Variants in SFMBT2 observed in about 807,000 individuals in gnomAD.
The protein encoded by SFMBT2 is scm-like with four MBT domains protein 2.
SFMBT2 carries 38 observed loss-of-function variants against 110.1 expected under a neutral mutation model. The observed-to-expected ratio is 0.35, with a 90% CI of 0.27 to 0.45. The LOEUF is 0.45. Among genes scored for constraint, SFMBT2 ranks in the 20% least tolerant of loss-of-function variants. The probability of loss-of-function intolerance (pLI) is 1.00; values close to 1 mark genes in which losing one functional copy is unlikely to be tolerated. For missense variants in SFMBT2, 1,011 were observed against 1,094.9 expected (o/e 0.92, Z 1.08); for synonymous variants, 425 against 425.4 (o/e 1.00, Z 0.01).
intron 4 of SFMBT2, among the ~76,000 whole-genome samples, chr10:7,337,425 T>C (rs879612322): frequency 1.6e-4 from 24 of 152,218 alleles, no homozygotes; most frequent in Admixed American, 1.4e-3. Flanking sequence ...GAGAAGTGAC[T>C]GGATCGTGCA....
At chr10:7,320,661 CT>C (rs34654650) in intron 4 of SFMBT2, 358,485 of 960,516 alleles carry the variant, frequency 0.37, 69,696 homozygotes, top group African/African-American at 0.62. Flanking sequence ...ATAGGAAGCA[CT>C]TTTCATTTTT....
intron 9 of SFMBT2, among the ~76,000 whole-genome samples, chr10:7,237,915 G>A (rs572720194): frequency 1.3e-5 from 2 of 152,342 alleles, no homozygotes; most frequent in Non-Finnish European, 2.9e-5. Context: ...AGTCAAGACT[G>A]AGTCAGGTGA....
intron 4 of SFMBT2, among the ~76,000 whole-genome samples, chr10:7,366,994 T>C (rs1346222040): frequency 6.6e-6 from 1 of 152,152 alleles, no homozygotes; most frequent in East Asian, 1.9e-4. Context: ...ACTAAATTGA[T>C]CATATCTATA....
At chr10:7,279,070 C>A (rs1194703635) in intron 6 of SFMBT2, among the ~76,000 whole-genome samples, 5 of 142,366 alleles carry the variant, frequency 3.5e-5, no homozygotes, top group Admixed American at 7.4e-5. Flanking sequence ...CACTGCACTG[C>A]ACTTCATCTC....
intron 4 of SFMBT2, among the ~76,000 whole-genome samples, chr10:7,350,541 G>A (rs1047762823): frequency 2.0e-5 from 3 of 152,096 alleles, no homozygotes; most frequent in East Asian, 1.9e-4. Flanking sequence ...AACTGGCCAC[G>A]ACAGCTCGCT....
At chr10:7,193,364 C>T (rs953033493) in intron 15 of SFMBT2, among the ~76,000 whole-genome samples, 1 of 152,240 alleles carries the variant, frequency 6.6e-6, no homozygotes, top group Non-Finnish European at 1.5e-5. Flanking sequence ...CTGACATTTA[C>T]ATACTGATAT....
At position 7,171,285 on chromosome 10, in the gene SFMBT2, C is replaced by CT. The variant is rs768368782; in HGVS notation, c.2416-230_2416-229insA. 7.3e-4 allele frequency: 589 copies of CT among 802,226 alleles called. No individual in the cohort carries two copies. The highest frequency in any genetic ancestry group is 8.1e-4 in the Non-Finnish European group (539 of 662,858). The allele number at this position is 802,226 out of a possible 1,614,324, so 49.7% of individuals were successfully genotyped here. On this transcript the variant is annotated intron_variant, in intron 19 of 20. Coordinates refer to ENST00000397167, the MANE Select transcript of SFMBT2 (RefSeq NM_001387889.1). The surrounding 1 kb of genome is among the most constrained non-coding windows in gnomAD (Gnocchi z 4.9). ...GTGCCTTCAGATGGAAGAAGGCAGG[C>CT]ACAGTGACAGTCGCTCTTGCATCCC...
Position 7,171,080 on chromosome 10 carries a change from C to T in SFMBT2, c.2416-24G>A, listed in dbSNP as rs1837860609. 6 of 1,613,664 alleles carry T rather than the reference C, an allele frequency of 3.7e-6. No individual in the cohort carries two copies. The highest frequency in any genetic ancestry group is 1.6e-4 in the Middle Eastern group (1 of 6,084). Reference sequence around the variant, plus strand: ...TCCTGCAGAGAAAGGGCAGGAGGAGCTCAGCTGCGGCACAGTCAGCTGGCT... The same window carrying T: ...TCCTGCAGAGAAAGGGCAGGAGGAGTTCAGCTGCGGCACAGTCAGCTGGCT... On this transcript the variant is annotated intron_variant, in intron 19 of 20. Transcript: ENST00000397167. The surrounding 1 kb of genome is among the most constrained non-coding windows in gnomAD (Gnocchi z 4.9).
intron 2 of SFMBT2, among the ~76,000 whole-genome samples, chr10:7,378,293 T>G (rs1367961387): frequency 1.3e-4 from 5 of 37,182 alleles, no homozygotes; most frequent in African/African-American, 9.3e-4. Context: ...TGGGTGTGTG[T>G]GGGTGTATGT....
chr10:7,201,264 C>G (rs574502932), intron 13 of SFMBT2, among the ~76,000 whole-genome samples: 1 of 152,350 alleles, frequency 6.6e-6, no homozygotes, highest in Non-Finnish European at 1.5e-5. Flanking sequence ...GTTAGAAATG[C>G]AGATTCTTGG....
chr10:7,236,114 C>T (rs138094265), intron 9 of SFMBT2, among the ~76,000 whole-genome samples: 129 of 149,136 alleles, frequency 8.6e-4, no homozygotes, highest in African/African-American at 2.8e-3. Flanking sequence ...CAGCTGACAG[C>T]CAATAAGAAA....
At chr10:7,286,689 G>A (rs1023997895) in intron 4 of SFMBT2, among the ~76,000 whole-genome samples, 4 of 152,156 alleles carry the variant, frequency 2.6e-5, no homozygotes, top group Non-Finnish European at 4.4e-5. Context: ...CATAGGTTAT[G>A]TGTGAACTAT....
At position 7,176,118 on chromosome 10, in the gene SFMBT2, G is replaced by C; in HGVS notation, c.1856C>G (p.Ser619Cys). The C allele has an allele frequency of 1.2e-6, 2 of 1,614,218 alleles. No homozygotes were observed. The highest frequency in any genetic ancestry group is 1.1e-5 in the South Asian group (1 of 91,092). Residue 619 changes from serine (S) to cysteine (C), a missense_variant, in exon 17 of 21, where the codon TCT (serine) becomes TGT (cysteine). Ser to Cys is a moderately radical substitution (Grantham distance 112). Coordinates refer to ENST00000397167, the MANE Select transcript of SFMBT2 (RefSeq NM_001387889.1). ...YRAVVKIVRT[S>C]DQVANFCRRV... ...GCGGCAGAAATTTGCGACTTGGTCA[G>C]ATGTCCGTACGATTTTGACCACAGC...
rs377329901 is a variant in SFMBT2, at chr10:7,184,737, G to A, written c.1808+3887C>T. On this transcript the variant is annotated intron_variant, in intron 16 of 20. Coordinates refer to ENST00000397167, the MANE Select transcript of SFMBT2 (RefSeq NM_001387889.1). ...CTTATGAGACCTTTTAACAAATCTCGTCAGGCAGGGATAGGGGTGTGGGAG... is the reference window on the plus strand; with the variant it reads ...CTTATGAGACCTTTTAACAAATCTCATCAGGCAGGGATAGGGGTGTGGGAG... 1.8e-3 allele frequency among the ~76,000 whole-genome samples: 276 copies of A among 152,156 alleles called. 1 individual carries two copies. The highest frequency in any genetic ancestry group is 2.5e-3 in the Non-Finnish European group (172 of 67,998).
At chr10:7,351,148 T>C (rs771648464) in intron 4 of SFMBT2, among the ~76,000 whole-genome samples, 4 of 152,240 alleles carry the variant, frequency 2.6e-5, no homozygotes, top group Admixed American at 1.3e-4. Context: ...AATGTGATTG[T>C]TGTCTCTGAA....
chr10:7,394,582 G>A (rs1339590994), intron 1 of SFMBT2, among the ~76,000 whole-genome samples: 2 of 141,500 alleles, frequency 1.4e-5, no homozygotes, highest in Admixed American at 1.5e-4. Context: ...CTGCAAACAC[G>A]CCAGGAGTGA....
At chr10:7,248,220 A>G (rs1156814084) in intron 8 of SFMBT2, among the ~76,000 whole-genome samples, 2 of 152,228 alleles carry the variant, frequency 1.3e-5, no homozygotes, top group African/African-American at 4.8e-5. Flanking sequence ...GTATAAACAG[A>G]TCATATTTAC....
intron 4 of SFMBT2, among the ~76,000 whole-genome samples, chr10:7,313,056 C>T (rs1033545842): frequency 1.6e-4 from 24 of 152,166 alleles, no homozygotes; most frequent in Middle Eastern, 3.4e-3. Context: ...TTCCCAGCAG[C>T]GTTATCCTCA....
At chr10:7,396,701 G>A (rs766394998) in intron 1 of SFMBT2, among the ~76,000 whole-genome samples, 1 of 151,776 alleles carries the variant, frequency 6.6e-6, no homozygotes, top group Non-Finnish European at 1.5e-5. Context: ...TATACACCAT[G>A]GAATCCTATG....
Sources: allele counts gnomAD v4.1 joint callset (sites outside exome capture counted in the v4.1 genomes callset), GRCh38; gene constraint gnomAD v4.1.1; non-coding constraint Gnocchi (gnomAD v3.1); transcripts MANE v1.5; gene names NCBI Gene and HGNC (gene_info 2026-07-23, HGNC 2026-07-21).